Variants in LMO3 observed in about 807,000 individuals in gnomAD.
The protein encoded by LMO3 is LIM domain only 3.
LMO3 carries 2 observed loss-of-function variants against 15.8 expected under a neutral mutation model. That is an observed-to-expected ratio of 0.13 (90% CI 0.05 to 0.40). The LOEUF is 0.40. LMO3 is among the 10% of genes least tolerant of loss of function. The pLI is 0.99. For synonymous variants in LMO3, 62 were observed against 63.8 expected (o/e 0.97, Z 0.13); for missense variants, 86 against 182.2 (o/e 0.47, Z 3.04).
In LMO3 at chr12:16,596,456, A is replaced by C. The variant is rs2137670371; in HGVS notation, c.206+4199T>G. On this transcript the variant is annotated intron_variant, in intron 2 of 3. Transcript: ENST00000537304. The surrounding 1 kb of genome is among the most constrained non-coding windows in gnomAD (Gnocchi z 4.3). ...AATAAACTCTGGCAAGATATCATTC[A>C]TAGAGATACAAGATACATACAGCCT... 6.6e-6 allele frequency among the ~76,000 whole-genome samples: 1 copy of C among 151,818 alleles called. No individual in the cohort carries two copies. Among genetic ancestry groups the C allele is most frequent in the African/African-American group, 2.4e-5 (1 of 41,544 alleles).
rs1943329179 is a variant in LMO3, at chr12:16,586,599, GTCCTTTCT to G, written c.206+14048_206+14055del. On this transcript the variant is annotated intron_variant, in intron 2 of 3. Coordinates refer to ENST00000537304, the MANE Select transcript of LMO3 (RefSeq NM_018640.5). This position sits in a 1 kb window ranked among gnomAD's most constrained non-coding sequence, Gnocchi z 4.3. The stretch of plus-strand genomic sequence containing the variant: ...AAGACACTGCATTTCATCTTTGGAC[GTCCTTTCT>G]TGGCAGGACCACTTGTCTCCCAAAG... Among the ~76,000 whole-genome samples the G allele has an allele frequency of 6.6e-6, 1 of 152,160 alleles. No homozygotes were observed. Among genetic ancestry groups the G allele is most frequent in the Non-Finnish European group, 1.5e-5 (1 of 68,024 alleles).
At position 16,548,792 on chromosome 12, in the gene LMO3, T is replaced by C. The variant is rs970310599; in HGVS notation, c.*2430A>G. 3 of 152,172 alleles carry C rather than the reference T, an allele frequency of 2.0e-5. No individual in the cohort carries two copies. In the South Asian group the frequency reaches 6.2e-4, roughly 32 times the overall value. The allele number at this position is 152,172 out of a possible 1,614,324, so 9.4% of individuals were successfully genotyped here. Reference sequence around the variant, plus strand: ...GCCTACAGCTGAAACACTATTCTTGTCTTATTTCACGATTTCATGGAGATT... The same window carrying C: ...GCCTACAGCTGAAACACTATTCTTGCCTTATTTCACGATTTCATGGAGATT... On this transcript the variant is annotated 3_prime_UTR_variant, in exon 4 of 4. Coordinates refer to ENST00000537304, the MANE Select transcript of LMO3 (RefSeq NM_018640.5). This position sits in a 1 kb window ranked among gnomAD's most constrained non-coding sequence, Gnocchi z 4.2.
chr12:16,595,605 A>T (rs1056137856), intron 2 of LMO3, among the ~76,000 whole-genome samples: 1 of 151,498 alleles, frequency 6.6e-6, no homozygotes, highest in African/African-American at 2.4e-5. Context: ...AAAGGGAAAA[A>T]TGATCTTAAA....
At chr12:16,588,887 A>G (rs1030240334) in intron 2 of LMO3, among the ~76,000 whole-genome samples, 1 of 152,036 alleles carries the variant, frequency 6.6e-6, no homozygotes, top group Non-Finnish European at 1.5e-5. Flanking sequence ...TTCTCCCTTC[A>G]TAACAACAGA....
At chr12:16,605,653 G>A (rs544543082) in intron 1 of LMO3, 8 of 1,051,670 alleles carry the variant, frequency 7.6e-6, no homozygotes, top group Non-Finnish European at 9.7e-6. Context: ...CCTATGGGCT[G>A]GGAGCAAACA....
In LMO3 at chr12:16,551,190, C is replaced by A; in HGVS notation, c.*32G>T. 7.6e-7 allele frequency: 1 copy of A among 1,307,498 alleles called. No homozygotes were observed. Among genetic ancestry groups the A allele is most frequent in the South Asian group, 1.2e-5 (1 of 84,714 alleles). 81.0% of individuals were successfully genotyped at this position (1,307,498 alleles called of 1,614,324 possible). A position where few individuals can be genotyped will look rare whatever the true frequency, so the allele number is the denominator to read the frequency against. On this transcript the variant is annotated 3_prime_UTR_variant, in exon 4 of 4. Coordinates refer to ENST00000537304, the MANE Select transcript of LMO3 (RefSeq NM_018640.5). ...GCAAAAAAGATAAAAGAATGTAGTG[C>A]TTTGTATTCTTAATGGGGTGATGTT... is the stretch of plus-strand genomic sequence containing the variant.
chr12:16,580,730 A>G (rs1227857649), intron 2 of LMO3, among the ~76,000 whole-genome samples: 1 of 152,238 alleles, frequency 6.6e-6, no homozygotes, highest in Non-Finnish European at 1.5e-5. Flanking sequence ...ATGAATAATT[A>G]GAGCAAACAT....
intron 2 of LMO3, among the ~76,000 whole-genome samples, chr12:16,566,802 C>G (rs1210974555): frequency 6.6e-6 from 1 of 152,138 alleles, no homozygotes; most frequent in African/African-American, 2.4e-5. Flanking sequence ...TATTCATTCT[C>G]TCTCCAAACA....
At chr12:16,554,502 C>A (rs774495234) in intron 3 of LMO3, among the ~76,000 whole-genome samples, 4 of 152,130 alleles carry the variant, frequency 2.6e-5, no homozygotes, top group Non-Finnish European at 5.9e-5. Flanking sequence ...CCACTATACA[C>A]CTGTGAACAA....
At chr12:16,557,053 A>AGACTT (rs1942217388) in intron 3 of LMO3, among the ~76,000 whole-genome samples, 1 of 152,202 alleles carries the variant, frequency 6.6e-6, no homozygotes, top group African/African-American at 2.4e-5. Context: ...CTGAGGAGAC[A>AGACTT]GACTTAATTG....
At position 16,560,312 on chromosome 12, in the gene LMO3, T is replaced by C. The variant is rs1942353838; in HGVS notation, c.332+101A>G. 5 of 1,290,114 alleles carry C rather than the reference T, an allele frequency of 3.9e-6. No homozygotes were observed. The South Asian group carries it at 6.4e-5, about 17-fold the overall frequency. 79.9% of individuals were successfully genotyped at this position (1,290,114 alleles called of 1,614,324 possible). Reference sequence around the variant, plus strand: ...TTTACAGAACAGAAAAACGCTGAGATTGATTGCTTTAAATGTATGAATATA... The same window carrying C: ...TTTACAGAACAGAAAAACGCTGAGACTGATTGCTTTAAATGTATGAATATA... On this transcript the variant is annotated intron_variant, in intron 3 of 3. Transcript: ENST00000537304. This position sits in a 1 kb window ranked among gnomAD's most constrained non-coding sequence, Gnocchi z 5.0.
At chr12:16,575,910 A>G (rs1432471650) in intron 2 of LMO3, among the ~76,000 whole-genome samples, 6 of 152,002 alleles carry the variant, frequency 3.9e-5, no homozygotes, top group Non-Finnish European at 7.4e-5. Context: ...CCCTCTCCCC[A>G]TGTTCAATGC....
At chr12:16,565,154 T>C (rs754513146) in intron 2 of LMO3, among the ~76,000 whole-genome samples, 2 of 152,136 alleles carry the variant, frequency 1.3e-5, no homozygotes, top group Non-Finnish European at 2.9e-5. Context: ...AAAAAAACTA[T>C]AGAATAACTA....
rs191074849 is a variant in LMO3 at position 16,605,270 on chromosome 12, T to C, written c.-9+796A>G. On this transcript the variant is annotated intron_variant, in intron 1 of 3. Coordinates refer to ENST00000537304, the MANE Select transcript of LMO3 (RefSeq NM_018640.5). ...CATGCAGCGTTAGCATAGCATATCA[T>C]GTTCAATATGAAAAAGATCATAAAT... 9.6e-5 allele frequency: 117 copies of C among 1,213,610 alleles called. No individual in the cohort carries two copies. The African/African-American group carries it at 1.7e-3, about 18-fold the overall frequency. The allele number at this position is 1,213,610 out of a possible 1,614,324, so 75.2% of individuals were successfully genotyped here.
chr12:16,583,610 T>C (rs1460747370), intron 2 of LMO3, among the ~76,000 whole-genome samples: 3 of 152,214 alleles, frequency 2.0e-5, no homozygotes, highest in South Asian at 2.1e-4. Flanking sequence ...GCAGATAAAA[T>C]GTAAGAGGCT....
intron 2 of LMO3, among the ~76,000 whole-genome samples, chr12:16,581,029 CAA>C (rs1943142609): frequency 6.6e-6 from 1 of 152,102 alleles, no homozygotes; most frequent in African/African-American, 2.4e-5. Flanking sequence ...CAGCCACTAA[CAA>C]ATTTTTTTCT....
chr12:16,579,691 A>T (rs1365451700), intron 2 of LMO3, among the ~76,000 whole-genome samples: 4 of 152,214 alleles, frequency 2.6e-5, no homozygotes, highest in African/African-American at 7.2e-5. Context: ...CTAGCCTACT[A>T]GGCACTCAGT....
At position 16,555,975 on chromosome 12, in the gene LMO3, T is replaced by C. The variant is rs184211913; in HGVS notation, c.332+4438A>G. On this transcript the variant is annotated intron_variant, in intron 3 of 3. Coordinates refer to ENST00000537304, the MANE Select transcript of LMO3 (RefSeq NM_018640.5). The surrounding 1 kb of genome is among the most constrained non-coding windows in gnomAD (Gnocchi z 5.5). ...CTCTCTTCCCTCAGTATAGCTCTAT[T>C]TAGCATCGATTACACTCTTCTGTGA... 2.6e-5 allele frequency among the ~76,000 whole-genome samples: 4 copies of C among 152,120 alleles called. No homozygotes were observed. The highest frequency in any genetic ancestry group is 2.6e-4 in the Admixed American group (4 of 15,268).
chr12:16,596,868 A>G lies in LMO3; in HGVS notation c.206+3787T>C, dbSNP rs1461495504. Among the ~76,000 whole-genome samples the G allele has an allele frequency of 6.6e-6, 1 of 151,754 alleles. No individual in the cohort carries two copies. The highest frequency in any genetic ancestry group is 1.5e-5 in the Non-Finnish European group (1 of 67,706). On this transcript the variant is annotated intron_variant, in intron 2 of 3. Transcript: ENST00000537304. This position sits in a 1 kb window ranked among gnomAD's most constrained non-coding sequence, Gnocchi z 4.3. ...ATTTTAAGCTCCAACTTAAAGTACA[A>G]AGATGTTTCTATATCTAATTTGTCA...
Sources: gnomAD v4.1 joint callset for allele counts (sites outside exome capture counted in the v4.1 genomes callset) on GRCh38, gnomAD v4.1.1 for gene constraint, Gnocchi (gnomAD v3.1) non-coding constraint, MANE v1.5 for transcripts, NCBI Gene and HGNC (gene_info 2026-07-23, HGNC 2026-07-21) for gene names.